Variants in TENM1 observed in about 807,000 individuals in gnomAD.
TENM1 encodes teneurin-1.
In TENM1, 35 loss-of-function variants were observed where a neutral mutation model predicts 174.8. The observed-to-expected ratio is 0.20, with a 90% CI of 0.15 to 0.27. The LOEUF (loss-of-function observed/expected upper bound fraction) is 0.27. TENM1 is among the 10% of genes least tolerant of loss of function. TENM1 has a pLI of 1.00. For synonymous variants in TENM1, 781 were observed against 798.7 expected (o/e 0.98, Z 0.37); for missense variants, 1,633 against 2,130.1 (o/e 0.77, Z 4.59).
intron 15 of TENM1, among the ~76,000 whole-genome samples, chrX:124,539,632 GA>G (rs2048277114): frequency 9.0e-6 from 1 of 111,035 alleles, no homozygotes; most frequent in Non-Finnish European, 1.9e-5. Context: ...GGTTAATGGG[GA>G]TTTTTTTTTC....
In TENM1 at chrX:124,407,383, T is replaced by C. The variant is rs945399734; in HGVS notation, c.4983-894A>G. On this transcript the variant is annotated intron_variant, in intron 25 of 31. Transcript: ENST00000422452. ...TAAACACATGTACTTGGAAACCCAT[T>C]ACTGTTTTCTTTTCAAGTTGCAAAT... is the stretch of plus-strand genomic sequence containing the variant. 2.7e-5 allele frequency among the ~76,000 whole-genome samples: 3 copies of C among 112,149 alleles called. No homozygotes were observed. The Admixed American group carries it at 2.8e-4, about 11-fold the overall frequency.
chrX:124,759,947 A>G (rs967566729), intron 3 of TENM1, among the ~76,000 whole-genome samples: 9 of 111,755 alleles, frequency 8.1e-5, no homozygotes, highest in African/African-American at 2.9e-4. Flanking sequence ...AGTCCCCGGC[A>G]AAACCCTGCT....
At chrX:124,942,810 G>A (rs1384960829) in intron 1 of TENM1, among the ~76,000 whole-genome samples, 2 of 110,715 alleles carry the variant, frequency 1.8e-5, no homozygotes, top group African/African-American at 3.3e-5. Flanking sequence ...AAGACATATC[G>A]CCAGTTTTAT....
At chrX:124,733,236 C>T (rs1388459230) in intron 4 of TENM1, among the ~76,000 whole-genome samples, 1 of 111,847 alleles carries the variant, frequency 8.9e-6, no homozygotes, top group Non-Finnish European at 1.9e-5. Context: ...TTCTGTGAGA[C>T]CCTAAAATTA....
chrX:124,425,004 T>TTA (rs1322446272), intron 23 of TENM1, among the ~76,000 whole-genome samples: 1 of 111,598 alleles, frequency 9.0e-6, no homozygotes, highest in Non-Finnish European at 1.9e-5. Context: ...AGGTATTTCT[T>TTA]TATAGCAGTG....
At chrX:125,181,827 C>A in the TENM1 span, among the ~76,000 whole-genome samples, 1 of 110,975 alleles carries the variant, frequency 9.0e-6, no homozygotes, top group African/African-American at 3.3e-5. Context: ...ATATGGATAT[C>A]TAGAAAAAAT....
At chrX:124,977,681 T>C in the TENM1 span, among the ~76,000 whole-genome samples, 2 of 110,494 alleles carry the variant, frequency 1.8e-5, no homozygotes, top group Non-Finnish European at 3.8e-5. Context: ...TCTATGAATC[T>C]GCCTGTTATG....
intron 19 of TENM1, among the ~76,000 whole-genome samples, chrX:124,502,726 T>C (rs1201024178): frequency 8.9e-6 from 1 of 111,950 alleles, no homozygotes; most frequent in Non-Finnish European, 1.9e-5. Context: ...AGAGTTATAA[T>C]GGGGGCATAC....
intron 3 of TENM1, among the ~76,000 whole-genome samples, chrX:124,875,978 T>A (rs762551028): frequency 9.2e-6 from 1 of 109,283 alleles, no homozygotes; most frequent in Non-Finnish European, 1.9e-5. Flanking sequence ...TATATATATA[T>A]ACGTTTGTAT....
chrX:125,162,303 T>G, the TENM1 span, among the ~76,000 whole-genome samples: 1 of 112,116 alleles, frequency 8.9e-6, no homozygotes, highest in Non-Finnish European at 1.9e-5. Flanking sequence ...TCCCATTTCT[T>G]TTTACTTTAT....
chrX:125,066,372 T>C, the TENM1 span, among the ~76,000 whole-genome samples: 5 of 112,032 alleles, frequency 4.5e-5, no homozygotes, highest in African/African-American at 1.6e-4. Flanking sequence ...TGAGCTTACA[T>C]ACTTATGCTA....
intron 18 of TENM1, among the ~76,000 whole-genome samples, chrX:124,516,379 C>A (rs1431213106): frequency 1.8e-5 from 2 of 111,724 alleles, no homozygotes; most frequent in Non-Finnish European, 3.8e-5. Context: ...AGAGCTTATG[C>A]ACAGCAAAAG....
intron 3 of TENM1, among the ~76,000 whole-genome samples, chrX:124,881,438 G>C (rs143083731): frequency 0.016 from 1,723 of 110,216 alleles, 19 homozygotes; most frequent in Non-Finnish European, 0.023. Context: ...TTGGTTAATG[G>C]TTTATTGATT....
the TENM1 span, among the ~76,000 whole-genome samples, chrX:125,044,170 T>G: frequency 3.2e-5 from 1 of 31,665 alleles, no homozygotes; most frequent in Admixed American, 3.7e-4. Context: ...ATAATAATAA[T>G]AATAAAAAAA....
intron 3 of TENM1, among the ~76,000 whole-genome samples, chrX:124,844,476 T>A (rs2056568174): frequency 9.0e-6 from 1 of 111,349 alleles, no homozygotes; most frequent in Non-Finnish European, 1.9e-5. Flanking sequence ...AGTAGTCTCT[T>A]GGTCTTGATG....
intron 3 of TENM1, among the ~76,000 whole-genome samples, chrX:124,809,764 C>T (rs751672938): frequency 1.9e-5 from 2 of 107,807 alleles, no homozygotes; most frequent in African/African-American, 6.8e-5. Context: ...CTGAGTTCTG[C>T]ATGGCTGGGA....
At chrX:125,073,605 G>A in the TENM1 span, among the ~76,000 whole-genome samples, 5 of 110,802 alleles carry the variant, frequency 4.5e-5, no homozygotes, top group Non-Finnish European at 1.9e-5. Context: ...TGTATCTGTT[G>A]ATTGTCAACA....
chrX:125,066,253 A>G, the TENM1 span, among the ~76,000 whole-genome samples: 1 of 111,600 alleles, frequency 9.0e-6, no homozygotes, highest in African/African-American at 3.3e-5. Context: ...TGGATCATTT[A>G]TGCCTGGGTC....
At chrX:124,683,838 C>CT (rs1414565536) in intron 5 of TENM1, among the ~76,000 whole-genome samples, 1 of 111,618 alleles carries the variant, frequency 9.0e-6, no homozygotes, top group Middle Eastern at 4.3e-3. Flanking sequence ...CATATCACCC[C>CT]TGAAAAGGAG....
Sources: gnomAD v4.1 joint callset for allele counts (sites outside exome capture counted in the v4.1 genomes callset) on GRCh38, gnomAD v4.1.1 for gene constraint, MANE v1.5 for transcripts, NCBI Gene and HGNC (gene_info 2026-07-23, HGNC 2026-07-21) for gene names.